Variants in ALG9 observed in about 807,000 individuals in gnomAD.
ALG9 encodes the protein alpha-1,2-mannosyltransferase ALG9.
A neutral mutation model predicts 81.8 loss-of-function variants in ALG9; 55 were observed. That is an observed-to-expected ratio of 0.67 (90% CI 0.54 to 0.84). The LOEUF is 0.84. Ranked by LOEUF, ALG9 falls within the 40% of genes least tolerant of loss-of-function variation. The pLI, the probability that ALG9 is intolerant of heterozygous loss-of-function variation, is 0.00. For missense variants in ALG9, 629 were observed against 745.0 expected (o/e 0.84, Z 1.81); for synonymous variants, 278 against 274.3 (o/e 1.01, Z -0.13).
intron 14 of ALG9, among the ~76,000 whole-genome samples, chr11:111,797,914 C>T (rs2136285165): frequency 6.6e-6 from 1 of 152,330 alleles, no homozygotes; most frequent in East Asian, 1.9e-4. Flanking sequence ...CAGTCCCCAA[C>T]TTGCCCTTTG....
At chr11:111,841,510 C>T (rs550879760) in intron 9 of ALG9, among the ~76,000 whole-genome samples, 1 of 152,296 alleles carries the variant, frequency 6.6e-6, no homozygotes, top group East Asian at 1.9e-4. Context: ...AACCCAAGAA[C>T]CTGCTGGAAA....
intron 14 of ALG9, among the ~76,000 whole-genome samples, chr11:111,807,229 T>G (rs1190755986): frequency 1.3e-5 from 2 of 152,180 alleles, no homozygotes; most frequent in Admixed American, 6.5e-5. Context: ...GGCCTTTCAA[T>G]AGCCTACAAA....
At chr11:111,787,658 C>T (rs1458670002) in intron 14 of ALG9, among the ~76,000 whole-genome samples, 1 of 151,866 alleles carries the variant, frequency 6.6e-6, no homozygotes, top group South Asian at 2.1e-4. Context: ...CGGGGTTTCA[C>T]CGTGTTAGCC....
At chr11:111,799,004 C>T (rs1157764970) in intron 14 of ALG9, among the ~76,000 whole-genome samples, 3 of 152,194 alleles carry the variant, frequency 2.0e-5, no homozygotes, top group Admixed American at 6.5e-5. Flanking sequence ...AAGGATGTTG[C>T]TTATCTTGCA....
Position 111,840,700 on chromosome 11 carries a change from A to G in ALG9, c.1128T>C (p.Tyr376=). 2 of 1,614,154 alleles carry G rather than the reference A, an allele frequency of 1.2e-6. No homozygotes were observed. Among genetic ancestry groups the G allele is most frequent in the South Asian group, 1.1e-5 (1 of 91,076 alleles). Residue 376 remains tyrosine, a synonymous_variant, in exon 10 of 15, where the codon TAT becomes TAC. Transcript: ENST00000616540. Reference sequence around the variant, plus strand: ...CAGCGCCACAGAGACATATAAGTGGATACACAGGGAAAAGAAATCTCTCCT... The same window carrying G: ...CAGCGCCACAGAGACATATAAGTGGGTACACAGGGAAAAGAAATCTCTCCT... ...HKEERFLFPV[Y]PLICLCGAVA...
intron 13 of ALG9, among the ~76,000 whole-genome samples, chr11:111,814,049 C>A (rs1273590412): frequency 6.6e-6 from 1 of 152,080 alleles, no homozygotes; most frequent in African/African-American, 2.4e-5. Flanking sequence ...AACAGAAATG[C>A]CTGCACCAAA....
At chr11:111,798,354 C>T (rs1212514953) in intron 14 of ALG9, among the ~76,000 whole-genome samples, 3 of 152,128 alleles carry the variant, frequency 2.0e-5, no homozygotes, top group Non-Finnish European at 2.9e-5. Flanking sequence ...AACTTGTTTC[C>T]GAAGCTACAA....
At chr11:111,790,097 C>T (rs898626943) in intron 14 of ALG9, among the ~76,000 whole-genome samples, 4 of 151,862 alleles carry the variant, frequency 2.6e-5, no homozygotes, top group African/African-American at 7.3e-5. Flanking sequence ...AACTAGCAGC[C>T]GGGCGCGGTG....
At position 111,853,495 on chromosome 11, in the gene ALG9, A is replaced by G. The variant is rs1021511258; in HGVS notation, c.790-10T>C. The G allele has an allele frequency of 4.4e-6, 7 of 1,609,044 alleles. No individual in the cohort carries two copies. The highest frequency in any genetic ancestry group is 6.0e-6 in the Non-Finnish European group (7 of 1,175,590). ...TGACCACCACAGGCACCTAAAACAG[A>G]GCAGAAAATAGTTTTGATCTAGAAA... On this transcript the variant is annotated splice_polypyrimidine_tract_variant and intron_variant, in intron 7 of 14. Transcript: ENST00000616540.
At chr11:111,836,748 T>C (rs1555118005) in intron 12 of ALG9, 1 of 184,746 alleles carries the variant, frequency 5.4e-6, no homozygotes, top group African/African-American at 2.4e-5. Flanking sequence ...ATTTCAAACG[T>C]AAAAGGCAAA....
chr11:111,863,128 T>C (rs1180319275), intron 4 of ALG9, among the ~76,000 whole-genome samples: 16 of 152,088 alleles, frequency 1.1e-4, no homozygotes, highest in Non-Finnish European at 2.4e-4. Context: ...TCCCAGCACT[T>C]TGGGAGGCCG....
intron 2 of ALG9, 98 bp downstream of exon 2, chr11:111,870,134 C>G (rs1963830069): frequency 1.6e-6 from 2 of 1,224,238 alleles, no homozygotes; most frequent in South Asian, 1.7e-5. Context: ...AGTTATTTTA[C>G]TAGGAGTCAC....
intron 9 of ALG9, among the ~76,000 whole-genome samples, chr11:111,843,467 A>G (rs1413552104): frequency 6.6e-6 from 1 of 152,218 alleles, no homozygotes; most frequent in Non-Finnish European, 1.5e-5. Context: ...CGTTGAAACA[A>G]AAGTCCTAAC....
intron 8 of ALG9, among the ~76,000 whole-genome samples, chr11:111,851,093 G>C (rs1555137651): frequency 2.0e-5 from 3 of 152,160 alleles, no homozygotes; most frequent in Non-Finnish European, 2.9e-5. Flanking sequence ...AGGGGTTCCT[G>C]ACTGACCCAC....
chr11:111,870,763 C>T, intron 1 of ALG9: 1 of 1,011,442 alleles, frequency 9.9e-7, no homozygotes, highest in Non-Finnish European at 1.2e-6. Flanking sequence ...CCCAAGCCAA[C>T]TAATCACTCA....
chr11:111,781,204 T>G (rs782625809), downstream of ALG9, among the ~76,000 whole-genome samples: 1 of 152,134 alleles, frequency 6.6e-6, no homozygotes, highest in African/African-American at 2.4e-5. Flanking sequence ...TGGGGTCCTA[T>G]AGGAAGAATA....
At chr11:111,852,942 C>CAA (rs71461596) in intron 8 of ALG9, among the ~76,000 whole-genome samples, 34,636 of 105,686 alleles carry the variant, frequency 0.33, 4,678 homozygotes, top group Middle Eastern at 0.44. Flanking sequence ...AACTCCACCT[C>CAA]AAAAAAAAAA....
chr11:111,839,962 G>A (rs970964166), intron 10 of ALG9, among the ~76,000 whole-genome samples: 3 of 152,008 alleles, frequency 2.0e-5, no homozygotes, highest in Non-Finnish European at 2.9e-5. Flanking sequence ...AGGGAATGGG[G>A]GAACAATAGC....
At chr11:111,818,205 G>A (rs1951808626) in intron 13 of ALG9, among the ~76,000 whole-genome samples, 1 of 152,218 alleles carries the variant, frequency 6.6e-6, no homozygotes, top group Admixed American at 6.5e-5. Flanking sequence ...ACCTAATGAG[G>A]TGGGAAGAAG....
Sources: allele counts gnomAD v4.1 joint callset (sites outside exome capture counted in the v4.1 genomes callset), GRCh38; gene constraint gnomAD v4.1.1; transcripts MANE v1.5; gene names NCBI Gene and HGNC (gene_info 2026-07-23, HGNC 2026-07-21).